RGS9: variants seen among roughly 807,000 people sequenced by gnomAD.
RGS9 encodes regulator of G protein signaling 9, also known as regulator of G-protein signalling 9.
Under a neutral mutation model 102.0 loss-of-function variants are expected in RGS9, and 78 were observed. The observed-to-expected ratio is 0.76, with a 90% confidence interval of 0.64 to 0.92. RGS9 has a LOEUF of 0.92. RGS9 is among the 40% of genes least tolerant of loss of function. RGS9 has a pLI of 0.00. For synonymous variants in RGS9, 353 were observed against 318.6 expected (o/e 1.11, Z -1.15); for missense variants, 833 against 866.1 (o/e 0.96, Z 0.48).
At chr17:65,182,385 C>T (rs552324469) in intron 9 of RGS9, among the ~76,000 whole-genome samples, 8 of 152,286 alleles carry the variant, frequency 5.3e-5, no homozygotes, top group Admixed American at 1.3e-4. Flanking sequence ...CTCACTACTG[C>T]GTTAGAAGGT....
At chr17:65,186,645 C>A (rs929529987) in intron 9 of RGS9, among the ~76,000 whole-genome samples, 1 of 152,194 alleles carries the variant, frequency 6.6e-6, no homozygotes, top group Non-Finnish European at 1.5e-5. Context: ...TCTCAACAAT[C>A]GCTCTTCAGC....
intron 9 of RGS9, among the ~76,000 whole-genome samples, chr17:65,178,464 T>A (rs11657250): frequency 0.15 from 22,821 of 149,522 alleles, 1,801 homozygotes; most frequent in African/African-American, 0.2. Flanking sequence ...TTGGGCCAGA[T>A]AATTCTTTTT....
At chr17:65,153,132 G>T (rs918144617) in intron 1 of RGS9, among the ~76,000 whole-genome samples, 1 of 152,132 alleles carries the variant, frequency 6.6e-6, no homozygotes, top group African/African-American at 2.4e-5. Context: ...TTTCTGTTCA[G>T]CAAAATCCTT....
intron 8 of RGS9, among the ~76,000 whole-genome samples, chr17:65,176,925 T>C (rs1306619583): frequency 2.0e-5 from 3 of 149,800 alleles, no homozygotes; most frequent in Non-Finnish European, 4.4e-5. Context: ...TCTTCACCCA[T>C]CCACTCACCA....
At chr17:65,206,734 G>T (rs1377523691) in intron 15 of RGS9, among the ~76,000 whole-genome samples, 2 of 152,140 alleles carry the variant, frequency 1.3e-5, no homozygotes, top group Admixed American at 6.6e-5. Context: ...GCTTTTTAGG[G>T]GATGCCCAGG....
At chr17:65,190,546 A>G (rs1357826686) in intron 11 of RGS9, among the ~76,000 whole-genome samples, 1 of 152,208 alleles carries the variant, frequency 6.6e-6, no homozygotes, top group Non-Finnish European at 1.5e-5. Flanking sequence ...AGACCCTGTG[A>G]GGATCCAAGA....
chr17:65,160,965 G>A, intron 6 of RGS9, 56 bp downstream of exon 6: 2 of 1,435,054 alleles, frequency 1.4e-6, no homozygotes, highest in Non-Finnish European at 2.0e-6. Flanking sequence ...ATAGTTTTGA[G>A]CTGTACTTTC....
chr17:65,219,899 TATC>T (rs145016495), intron 17 of RGS9, among the ~76,000 whole-genome samples: 10,863 of 151,390 alleles, frequency 0.072, 460 homozygotes, highest in Middle Eastern at 0.13. Context: ...TCATCATCAC[TATC>T]ATCATCACCA....
At chr17:65,156,473 A>G (rs1910772211) in intron 2 of RGS9, among the ~76,000 whole-genome samples, 2 of 152,238 alleles carry the variant, frequency 1.3e-5, no homozygotes, top group African/African-American at 2.4e-5. Context: ...CAGCTGCTGT[A>G]GAAACAACAC....
At chr17:65,216,589 A>C (rs1913531597) in intron 17 of RGS9, among the ~76,000 whole-genome samples, 1 of 152,186 alleles carries the variant, frequency 6.6e-6, no homozygotes, top group Non-Finnish European at 1.5e-5. Context: ...GCGAGCTGAG[A>C]TCGCGCCACT....
intron 14 of RGS9, among the ~76,000 whole-genome samples, chr17:65,202,444 T>TGTGTGTGTGTGTGTGTGTGTGAGA (rs3838367): frequency 7.6e-6 from 1 of 131,708 alleles, no homozygotes; most frequent in Admixed American, 7.7e-5. Context: ...TGTGTGTGTG[T>TGTGTGTGTGTGTGTGTGTGTGAGA]GAGAGAGAGA....
chr17:65,179,698 A>T (rs1911786315), intron 9 of RGS9, among the ~76,000 whole-genome samples: 2 of 145,972 alleles, frequency 1.4e-5, no homozygotes, highest in Admixed American at 1.4e-4. Flanking sequence ...GTGGTTAGGC[A>T]GGACCTTAAC....
intron 12 of RGS9, 82 bp from the exon 13 acceptor site, chr17:65,197,044 G>A: frequency 2.3e-6 from 2 of 870,220 alleles, no homozygotes; most frequent in Admixed American, 3.9e-5. Context: ...TGGGCCATGA[G>A]ACTAAAGGCC....
chr17:65,208,964 G>T (rs1485041729), intron 16 of RGS9, among the ~76,000 whole-genome samples: 2 of 152,208 alleles, frequency 1.3e-5, no homozygotes, highest in African/African-American at 2.4e-5. Flanking sequence ...ACCAAGTAAG[G>T]AAGGGAGTTC....
At chr17:65,198,519 G>C (rs997309369) in intron 13 of RGS9, among the ~76,000 whole-genome samples, 1 of 152,186 alleles carries the variant, frequency 6.6e-6, no homozygotes, top group Admixed American at 6.5e-5. Context: ...GCCTCCCAAA[G>C]TGTTGGGATT....
chr17:65,174,297 G>C (rs2144028403), intron 8 of RGS9, among the ~76,000 whole-genome samples: 1 of 152,360 alleles, frequency 6.6e-6, no homozygotes, highest in Non-Finnish European at 1.5e-5. Flanking sequence ...AAGTCACCGA[G>C]GCAGTGAGCG....
chr17:65,177,497 C>T (rs1297103371), intron 8 of RGS9, among the ~76,000 whole-genome samples: 1 of 152,216 alleles, frequency 6.6e-6, no homozygotes. Flanking sequence ...TCCTTCTCTC[C>T]CTCCATCCTT....
At chr17:65,159,711 G>A (rs1282120126) in intron 3 of RGS9, among the ~76,000 whole-genome samples, 1 of 152,218 alleles carries the variant, frequency 6.6e-6, no homozygotes, top group East Asian at 1.9e-4. Context: ...ATAAACTGGA[G>A]CAGGGTGGGA....
chr17:65,196,652 C>T (rs12450751), intron 12 of RGS9, among the ~76,000 whole-genome samples: 17,277 of 149,978 alleles, frequency 0.12, 1,964 homozygotes, highest in East Asian at 0.3. Context: ...CACCGGCTCC[C>T]ACCAGAAGCC....
Sources: allele counts gnomAD v4.1 joint callset (sites outside exome capture counted in the v4.1 genomes callset), GRCh38; gene constraint gnomAD v4.1.1; transcripts MANE v1.5; gene names NCBI Gene and HGNC (gene_info 2026-07-23, HGNC 2026-07-21).